The following ATOSA variants were observed in gnomAD, a reference collection of about 807,000 sequenced individuals.
ATOSA encodes the protein atos homolog protein A.
chr15:52,613,365 C>T, the ATOSA span, among the ~76,000 whole-genome samples: 246 of 152,278 alleles, frequency 1.6e-3, 2 homozygotes, highest in Non-Finnish European at 1.9e-3. Context: ...GACTCCGTCT[C>T]AAATATATAA....
the ATOSA span, among the ~76,000 whole-genome samples, chr15:52,654,432 A>G: frequency 6.6e-6 from 1 of 152,204 alleles, no homozygotes; most frequent in Non-Finnish European, 1.5e-5. Context: ...AATAATGAGT[A>G]TGCTATAAAA....
chr15:52,601,704 T>C, the ATOSA span, among the ~76,000 whole-genome samples: 13 of 152,144 alleles, frequency 8.5e-5, no homozygotes, highest in Non-Finnish European at 1.6e-4. Flanking sequence ...GTATACCAGA[T>C]TACATTTAAA....
chr15:52,622,863 C>T, the ATOSA span, among the ~76,000 whole-genome samples: 1 of 151,954 alleles, frequency 6.6e-6, no homozygotes, highest in East Asian at 1.9e-4. Context: ...TGGCTCACAC[C>T]CGTAATCCCA....
the ATOSA span, chr15:52,585,972 C>A: frequency 6.6e-6 from 1 of 152,176 alleles, no homozygotes; most frequent in South Asian, 2.1e-4. Flanking sequence ...GAGTTCAAAT[C>A]ATGTTTATAC....
chr15:52,629,220 AAGTTTAC>A, the ATOSA span, among the ~76,000 whole-genome samples: 3 of 152,178 alleles, frequency 2.0e-5, no homozygotes, highest in Non-Finnish European at 2.9e-5. Context: ...GAGCAGTTTT[AAGTTTAC>A]AGCAAAACTG....
chr15:52,586,367 A>G, the ATOSA span: 22 of 152,228 alleles, frequency 1.4e-4, no homozygotes, highest in African/African-American at 5.3e-4. Context: ...GATGATGAGT[A>G]AAAGTGATCT....
chr15:52,696,379 T>A, the ATOSA span, among the ~76,000 whole-genome samples: 1 of 152,162 alleles, frequency 6.6e-6, no homozygotes, highest in African/African-American at 2.4e-5. Context: ...TTCAGGCTTA[T>A]CTGGATCATT....
the ATOSA span, among the ~76,000 whole-genome samples, chr15:52,690,088 A>G: frequency 1.3e-5 from 2 of 152,220 alleles, no homozygotes; most frequent in African/African-American, 4.8e-5. Context: ...GGCAACCTGA[A>G]CATTTCTGAT....
chr15:52,611,733 C>G, the ATOSA span: 1 of 1,614,002 alleles, frequency 6.2e-7, no homozygotes, highest in African/African-American at 1.3e-5. Context: ...GGTTATTCTT[C>G]CACAACAATG....
At chr15:52,600,959 T>C in the ATOSA span, 1 of 659,096 alleles carries the variant, frequency 1.5e-6, no homozygotes, top group Non-Finnish European at 2.6e-6. Flanking sequence ...CGTGTGTACA[T>C]GGTATCATAC....
the ATOSA span, among the ~76,000 whole-genome samples, chr15:52,635,971 C>A: frequency 6.7e-6 from 1 of 149,066 alleles, no homozygotes; most frequent in Admixed American, 6.7e-5. Flanking sequence ...TGCACCCCAG[C>A]CTGGGTGACA....
the ATOSA span, chr15:52,581,755 A>G: frequency 1.3e-5 from 2 of 156,198 alleles, no homozygotes; most frequent in African/African-American, 4.8e-5. Flanking sequence ...ACTTGTGCAT[A>G]TATTTGATTT....
the ATOSA span, among the ~76,000 whole-genome samples, chr15:52,685,278 T>C: frequency 2.0e-5 from 3 of 152,188 alleles, no homozygotes; most frequent in Non-Finnish European, 4.4e-5. Flanking sequence ...TCATGTGGCA[T>C]TTAATTGTCC....
the ATOSA span, among the ~76,000 whole-genome samples, chr15:52,675,168 AGTACAGTAAAATACTATC>A: frequency 9.2e-5 from 14 of 152,230 alleles, no homozygotes; most frequent in African/African-American, 2.7e-4. Flanking sequence ...TTTTTTTTAC[AGTACAGTAAAATACTATC>A]GTACAGTAAA....
At chr15:52,597,595 G>T in the ATOSA span, among the ~76,000 whole-genome samples, 1 of 152,216 alleles carries the variant, frequency 6.6e-6, no homozygotes, top group South Asian at 2.1e-4. Flanking sequence ...GTGACAGAAA[G>T]CACTAAGATT....
At chr15:52,640,352 G>A in the ATOSA span, among the ~76,000 whole-genome samples, 3 of 151,824 alleles carry the variant, frequency 2.0e-5, no homozygotes, top group Admixed American at 1.3e-4. Context: ...GGTAGGCTGA[G>A]GTTAGGAGTT....
chr15:52,698,363 G>C, the ATOSA span, among the ~76,000 whole-genome samples: 77 of 152,140 alleles, frequency 5.1e-4, no homozygotes, highest in Non-Finnish European at 8.5e-4. Context: ...TTCTGCTAGA[G>C]ATAACCTGCA....
At chr15:52,678,357 C>T in the ATOSA span, 34 of 474,908 alleles carry the variant, frequency 7.2e-5, no homozygotes, top group East Asian at 1.1e-3. Flanking sequence ...AGTCTCTGAA[C>T]CAAAACAGGA....
At chr15:52,611,715 G>T in the ATOSA span, 1 of 1,613,990 alleles carries the variant, frequency 6.2e-7, no homozygotes. Flanking sequence ...TTTCCACCAT[G>T]ATTGGAAGGT....
Sources: allele counts gnomAD v4.1 joint callset (sites outside exome capture counted in the v4.1 genomes callset), GRCh38; gene constraint gnomAD v4.1.1; transcripts MANE v1.5; gene names NCBI Gene and HGNC (gene_info 2026-07-23, HGNC 2026-07-21).